ANO6: variants seen among roughly 807,000 people sequenced by gnomAD.
ANO6 encodes anoctamin-6.
In ANO6, 106 loss-of-function variants were observed where a neutral mutation model predicts 117.5. The ratio of observed to expected loss-of-function variants is 0.90; its 90% CI spans 0.77 to 1.06. ANO6 has a LOEUF of 1.06. Among genes scored for constraint, ANO6 ranks in the 50% least tolerant of loss-of-function variants. The probability of loss-of-function intolerance (pLI) is 0.00; values close to 1 mark genes in which losing one functional copy is unlikely to be tolerated. For synonymous variants in ANO6, 367 were observed against 385.1 expected, an observed-to-expected ratio of 0.95 and a Z score of 0.55; for missense variants, 955 against 1,121.1, an observed-to-expected ratio of 0.85 and a Z score of 2.12.
At position 45,429,137 on chromosome 12, in the gene ANO6, A is replaced by T; in HGVS notation, c.2559A>T (p.Ser853=). ...TCTACTCTGTGAAATTTTTCATTTC[A>T]TATGCAATTCCCGATGTATCAAAAC... ...HVIYSVKFFI[S]YAIPDVSKRT... The change falls in exon 20 of 20, where the codon TCA becomes TCT. Residue 853 remains serine, a synonymous_variant. Transcript: ENST00000320560. The T allele has an allele frequency of 6.2e-7, 1 of 1,613,820 alleles. No homozygotes were observed. The highest frequency in any genetic ancestry group is 1.1e-5 in the South Asian group (1 of 91,066).
intron 9 of ANO6, among the ~76,000 whole-genome samples, chr12:45,371,692 A>C (rs1941841801): frequency 6.6e-6 from 1 of 152,204 alleles, no homozygotes; most frequent in Non-Finnish European, 1.5e-5. Context: ...AAGGACATCC[A>C]CACCAAAAAC....
chr12:45,401,934 C>T lies in ANO6; in HGVS notation c.1526C>T (p.Ser509Phe), dbSNP rs1942801268. The T allele has an allele frequency of 6.2e-7, 1 of 1,614,056 alleles. No individual in the cohort carries two copies. The highest frequency in any genetic ancestry group is 1.7e-5 in the Admixed American group (1 of 60,014). The change falls in exon 13 of 20, where the codon TCC (serine) becomes TTC (phenylalanine). Residue 509 changes from serine to phenylalanine, a missense_variant. Transcript: ENST00000320560. ...QKYLTPQTAT[S>F]ITASIISFII... is the part of the protein sequence containing the mutation. Reference sequence around the variant, plus strand: ...TACCTGACTCCACAGACAGCCACGTCCATCACGGCCTCCATCATCAGCTTT... The same window carrying T: ...TACCTGACTCCACAGACAGCCACGTTCATCACGGCCTCCATCATCAGCTTT...
At chr12:45,319,616 A>G (rs1940184054) in intron 2 of ANO6, among the ~76,000 whole-genome samples, 1 of 152,140 alleles carries the variant, frequency 6.6e-6, no homozygotes, top group Non-Finnish European at 1.5e-5. Flanking sequence ...TGGTATCAGG[A>G]TGATGCTGGC....
Position 45,296,147 on chromosome 12 carries a change from A to G in ANO6, c.71-5867A>G, listed in dbSNP as rs574731471. Among the ~76,000 whole-genome samples the G allele has an allele frequency of 2.6e-5, 4 of 152,326 alleles. No homozygotes were observed. In the East Asian group the frequency reaches 7.7e-4, roughly 29 times the overall value. On this transcript the variant is annotated intron_variant, in intron 1 of 19. Transcript: ENST00000320560. ...AAAATAATGACTGGTGAGTGCTGGCATTCAGGTCAAATATTAGATGTATGC... is the reference window on the plus strand; with the variant it reads ...AAAATAATGACTGGTGAGTGCTGGCGTTCAGGTCAAATATTAGATGTATGC...
In ANO6 at chr12:45,429,782, TGA is replaced by T; in HGVS notation, c.*472_*473del. 1 of 997,774 alleles carries T rather than the reference TGA, an allele frequency of 1.0e-6. No homozygotes were observed. The highest frequency in any genetic ancestry group is 4.4e-5 in the South Asian group (1 of 22,962). The allele number at this position is 997,774 out of a possible 1,614,324, so 61.8% of individuals were successfully genotyped here. ...TAGATTTAATTTAATAGCTTTCATG[TGA>T]TTAAAAATAGCTAACTAGACTCAAG... On this transcript the variant is annotated 3_prime_UTR_variant, in exon 20 of 20. Coordinates refer to ENST00000320560, the MANE Select transcript of ANO6 (RefSeq NM_001025356.3).
At chr12:45,314,405 T>A (rs1477124550) in intron 2 of ANO6, among the ~76,000 whole-genome samples, 1 of 147,884 alleles carries the variant, frequency 6.8e-6, no homozygotes, top group Non-Finnish European at 1.5e-5. Context: ...GCTCAGGAGT[T>A]CAAAACCAGC....
intron 10 of ANO6, among the ~76,000 whole-genome samples, chr12:45,379,807 G>A (rs1166536075): frequency 6.6e-6 from 1 of 152,170 alleles, no homozygotes; most frequent in Non-Finnish European, 1.5e-5. Flanking sequence ...TTACACATTA[G>A]CTGCTGATTT....
chr12:45,226,984 CTTTTTTT>C (rs906373347), intron 1 of ANO6, among the ~76,000 whole-genome samples: 43 of 112,760 alleles, frequency 3.8e-4, no homozygotes, highest in Middle Eastern at 5.2e-3. Context: ...TTATCATTTT[CTTTTTTT>C]TTTTTTTTTT....
intron 9 of ANO6, among the ~76,000 whole-genome samples, chr12:45,373,125 A>T (rs910007759): frequency 2.0e-5 from 3 of 152,144 alleles, no homozygotes; most frequent in African/African-American, 4.8e-5. Context: ...AGGCCATTAC[A>T]TAATGGTAAA....
chr12:45,361,230 G>A (rs1941547926), intron 8 of ANO6, among the ~76,000 whole-genome samples: 1 of 152,028 alleles, frequency 6.6e-6, no homozygotes, highest in Admixed American at 6.6e-5. Context: ...ATATTTTATA[G>A]TTTCAGTGTG....
intron 1 of ANO6, among the ~76,000 whole-genome samples, chr12:45,246,021 A>G (rs1947820301): frequency 6.6e-6 from 1 of 152,248 alleles, no homozygotes; most frequent in South Asian, 2.1e-4. Context: ...ACTAATAAGC[A>G]TTACTTATGT....
chr12:45,343,199 T>G (rs1314951381), intron 3 of ANO6, among the ~76,000 whole-genome samples: 1 of 152,152 alleles, frequency 6.6e-6, no homozygotes, highest in Non-Finnish European at 1.5e-5. Context: ...ATAAGGCCAT[T>G]GAACAGAGTT....
chr12:45,388,580 A>G (rs1942362832), intron 11 of ANO6, among the ~76,000 whole-genome samples: 1 of 152,186 alleles, frequency 6.6e-6, no homozygotes, highest in Non-Finnish European at 1.5e-5. Context: ...TAAAAACAGT[A>G]AAAATACAAA....
intron 9 of ANO6, among the ~76,000 whole-genome samples, chr12:45,372,603 G>C (rs1168293161): frequency 6.7e-6 from 1 of 148,736 alleles, no homozygotes; most frequent in Admixed American, 6.7e-5. Context: ...TTCATATCCA[G>C]CCAAACTAAG....
chr12:45,240,893 G>C (rs1312653616), intron 1 of ANO6, among the ~76,000 whole-genome samples: 1 of 152,142 alleles, frequency 6.6e-6, no homozygotes, highest in Non-Finnish European at 1.5e-5. Flanking sequence ...CTCTTTTCTG[G>C]CTGTAGGGTT....
chr12:45,250,934 A>C (rs1303517498), intron 1 of ANO6, among the ~76,000 whole-genome samples: 2 of 152,032 alleles, frequency 1.3e-5, no homozygotes, highest in Non-Finnish European at 2.9e-5. Context: ...TAGGCTGGGC[A>C]TGATGGCTCA....
intron 19 of ANO6, among the ~76,000 whole-genome samples, chr12:45,425,975 C>T (rs1189571448): frequency 6.6e-6 from 1 of 152,142 alleles, no homozygotes; most frequent in African/African-American, 2.4e-5. Context: ...AAGACAACAA[C>T]TTCTAACAAA....
intron 1 of ANO6, among the ~76,000 whole-genome samples, chr12:45,290,692 T>G (rs1312581797): frequency 2.0e-5 from 3 of 152,218 alleles, no homozygotes; most frequent in African/African-American, 7.2e-5. Flanking sequence ...ATTGGCAAAA[T>G]TAAATAATAT....
At chr12:45,381,997 C>CAGGA (rs934597547) in intron 10 of ANO6, among the ~76,000 whole-genome samples, 73 of 151,754 alleles carry the variant, frequency 4.8e-4, no homozygotes, top group African/African-American at 1.3e-3. Context: ...AGATGACACT[C>CAGGA]AGGAAGATTA....
Sources: gnomAD v4.1 joint callset for allele counts (sites outside exome capture counted in the v4.1 genomes callset) on GRCh38, gnomAD v4.1.1 for gene constraint, MANE v1.5 for transcripts, NCBI Gene and HGNC (gene_info 2026-07-23, HGNC 2026-07-21) for gene names.